The following RFC3 variants were observed in gnomAD, a reference collection of about 807,000 sequenced individuals.
The protein encoded by RFC3 is replication factor C subunit 3, also known as A1 38 kDa subunit.
RFC3 carries 41 observed loss-of-function variants against 45.1 expected under a neutral mutation model. The observed-to-expected ratio is 0.91, with a 90% CI of 0.71 to 1.18. The LOEUF is 1.18. Among genes scored for constraint, RFC3 ranks in the 50% most tolerant of loss-of-function variants. The pLI is 0.00. For synonymous variants in RFC3, 149 were observed against 144.0 expected, an observed-to-expected ratio of 1.03 and a Z score of -0.25; for missense variants, 423 against 428.1, an observed-to-expected ratio of 0.99 and a Z score of 0.10.
chr13:33,951,836 T>C (rs997331619), intron 8 of RFC3, among the ~76,000 whole-genome samples: 1 of 152,228 alleles, frequency 6.6e-6, no homozygotes, highest in Non-Finnish European at 1.5e-5. Flanking sequence ...GCATGAATTA[T>C]CTTTAATTTC....
chr13:33,841,772 G>A (rs2082200545), downstream of RFC3, among the ~76,000 whole-genome samples: 1 of 152,104 alleles, frequency 6.6e-6, no homozygotes, highest in Non-Finnish European at 1.5e-5. Context: ...CTTTTTTGGA[G>A]TAGGCCTGGC....
At chr13:33,883,287 G>GA (rs1436305250) in intron 8 of RFC3, among the ~76,000 whole-genome samples, 3 of 152,176 alleles carry the variant, frequency 2.0e-5, no homozygotes, top group African/African-American at 7.2e-5. Context: ...TATGGACATG[G>GA]AAAATGAAAG....
intron 4 of RFC3, among the ~76,000 whole-genome samples, chr13:33,828,615 G>A (rs1002757649): frequency 5.3e-5 from 8 of 152,322 alleles, no homozygotes; most frequent in African/African-American, 1.9e-4. Context: ...GCTTACTGCA[G>A]CCTTGACCTC....
intron 8 of RFC3, among the ~76,000 whole-genome samples, chr13:33,944,728 G>T (rs566062307): frequency 6.6e-6 from 1 of 152,232 alleles, no homozygotes; most frequent in African/African-American, 2.4e-5. Flanking sequence ...TAGCACTTGA[G>T]AATGGAATTG....
At chr13:33,903,374 TA>T (rs1233493980) in intron 8 of RFC3, among the ~76,000 whole-genome samples, 1 of 151,982 alleles carries the variant, frequency 6.6e-6, no homozygotes, top group African/African-American at 2.4e-5. Context: ...ACAGTAGGTG[TA>T]AAAAAAATCT....
the RFC3 span, among the ~76,000 whole-genome samples, chr13:33,975,694 C>T: frequency 6.6e-6 from 1 of 152,058 alleles, no homozygotes; most frequent in Non-Finnish European, 1.5e-5. Flanking sequence ...ATCTATGAGA[C>T]TAAAGGCTGA....
intron 8 of RFC3, among the ~76,000 whole-genome samples, chr13:33,965,239 A>G (rs1400304747): frequency 6.6e-6 from 1 of 152,186 alleles, no homozygotes; most frequent in Admixed American, 6.5e-5. Flanking sequence ...ATAAACCTCT[A>G]CAGTCATCTG....
intron 8 of RFC3, among the ~76,000 whole-genome samples, chr13:33,859,214 G>A (rs2082325514): frequency 6.6e-6 from 1 of 152,152 alleles, no homozygotes; most frequent in Non-Finnish European, 1.5e-5. Flanking sequence ...CGGAAGCTGA[G>A]CATGAACTCT....
Position 33,831,358 on chromosome 13 carries a change from C to T in RFC3, c.809+4C>T, listed in dbSNP as rs375953451. 4.6e-6 allele frequency: 7 copies of T among 1,525,468 alleles called. No homozygotes were observed. Among genetic ancestry groups the T allele is most frequent in the Non-Finnish European group, 6.4e-6 (7 of 1,099,682 alleles). 94.5% of individuals were successfully genotyped at this position (1,525,468 alleles called of 1,614,324 possible). ...TCAGTCAGCAAACTCCACAAAGGTA[C>T]CAGTATAAAATGATGACAGTAAAGC... On this transcript the variant is annotated splice_donor_region_variant and intron_variant, in intron 7 of 8. Transcript: ENST00000380071.
downstream of RFC3, among the ~76,000 whole-genome samples, chr13:33,971,298 A>G (rs899080595): frequency 7.2e-5 from 11 of 152,362 alleles, 1 homozygote; most frequent in Admixed American, 5.9e-4. Flanking sequence ...AGTTTTGCCA[A>G]GAAAGTTTCT....
At chr13:33,969,369 G>C (rs1313281043), downstream of RFC3, among the ~76,000 whole-genome samples, 1 of 152,158 alleles carries the variant, frequency 6.6e-6, no homozygotes, top group Admixed American at 6.5e-5. Flanking sequence ...TTTCACCAGC[G>C]ATTTTCCTAC....
At chr13:33,940,125 A>G (rs2082913896) in intron 8 of RFC3, among the ~76,000 whole-genome samples, 1 of 151,400 alleles carries the variant, frequency 6.6e-6, no homozygotes, top group Non-Finnish European at 1.5e-5. Flanking sequence ...ATTATGGGGG[A>G]GAGTTAATTT....
rs184026282 is a variant in RFC3 at position 33,926,769 on chromosome 13, A to G, written c.880-39318A>G. Among the ~76,000 whole-genome samples the G allele has an allele frequency of 9.5e-3, 1,443 of 151,274 alleles. 24 individuals carry two copies. The highest frequency in any genetic ancestry group is 0.033 in the African/African-American group (1,358 of 41,136). ...CAAATGAGATCTGCAACTGTGGGAT[A>G]CACTTTTGTCAACATTTTAAAAGGC... is the stretch of plus-strand genomic sequence containing the variant. On this transcript the variant is annotated intron_variant, in intron 8 of 8. Transcript: ENST00000434425.
chr13:33,935,390 T>C (rs1244880675), intron 8 of RFC3, among the ~76,000 whole-genome samples: 1 of 152,198 alleles, frequency 6.6e-6, no homozygotes, highest in African/African-American at 2.4e-5. Flanking sequence ...TTGCAAATAA[T>C]ATCCCAAGCT....
At chr13:33,830,664 T>G in intron 5 of RFC3, 55 bp from the exon 6 acceptor site, 1 of 1,462,562 alleles carries the variant, frequency 6.8e-7, no homozygotes, top group Non-Finnish European at 9.4e-7. Flanking sequence ...TCAACAGAAA[T>G]GAATCTTAAT....
chr13:33,833,379 A>T (rs1047919315), intron 7 of RFC3, among the ~76,000 whole-genome samples: 3 of 151,994 alleles, frequency 2.0e-5, no homozygotes, highest in Non-Finnish European at 4.4e-5. Context: ...TAAAAAAAAA[A>T]CCCTGACATT....
chr13:33,945,095 C>T (rs888679621), intron 8 of RFC3, among the ~76,000 whole-genome samples: 2 of 152,310 alleles, frequency 1.3e-5, no homozygotes, highest in South Asian at 2.1e-4. Context: ...AGACTCCTCC[C>T]ATTTCTCTGC....
At chr13:33,910,097 T>C (rs971219434) in intron 8 of RFC3, among the ~76,000 whole-genome samples, 2 of 152,148 alleles carry the variant, frequency 1.3e-5, no homozygotes, top group South Asian at 2.1e-4. Flanking sequence ...TGTGTTATTA[T>C]TGCATCTTTG....
At chr13:33,898,921 C>T (rs2082619327) in intron 8 of RFC3, among the ~76,000 whole-genome samples, 1 of 151,602 alleles carries the variant, frequency 6.6e-6, no homozygotes, top group African/African-American at 2.4e-5. Flanking sequence ...AAATAAATTC[C>T]TGAACACATA....
Sources: allele counts gnomAD v4.1 joint callset (sites outside exome capture counted in the v4.1 genomes callset), GRCh38; gene constraint gnomAD v4.1.1; transcripts MANE v1.5; gene names NCBI Gene and HGNC (gene_info 2026-07-23, HGNC 2026-07-21).